Variants in SEC22C observed in about 807,000 individuals in gnomAD.
SEC22C encodes SEC22 homolog C, vesicle trafficking protein, also known as vesicle-trafficking protein SEC22c.
In SEC22C, 29 loss-of-function variants were observed where a neutral mutation model predicts 34.7. The ratio of observed to expected loss-of-function variants is 0.84; its 90% CI spans 0.62 to 1.14. The LOEUF is 1.14. Ranked by LOEUF, SEC22C falls within the 50% of genes most tolerant of loss-of-function variation. The pLI is 0.00. For missense variants in SEC22C, 337 were observed against 369.0 expected (o/e 0.91, Z 0.71); for synonymous variants, 117 against 132.8 (o/e 0.88, Z 0.82).
rs975318016 is a variant in SEC22C, at chr3:42,550,042, G to A, written c.*3206C>T. 1 of 985,336 alleles carries A rather than the reference G, an allele frequency of 1.0e-6. No individual in the cohort carries two copies. Among genetic ancestry groups the A allele is most frequent in the South Asian group, 4.7e-5 (1 of 21,290 alleles). 61.0% of individuals were successfully genotyped at this position (985,336 alleles called of 1,614,324 possible). A position where few individuals can be genotyped will look rare whatever the true frequency, so the allele number is the denominator to read the frequency against. On this transcript the variant is annotated 3_prime_UTR_variant, in exon 7 of 7. Transcript: ENST00000264454. The stretch of plus-strand genomic sequence containing the variant: ...TCACAGTAAGACTAGCCTAACAGGG[G>A]AAAACAGATTTACATGTTTCGTTCA...
At chr3:42,563,949 AT>A (rs1703084176) in intron 2 of SEC22C, 3 of 1,351,596 alleles carry the variant, frequency 2.2e-6, no homozygotes, top group Non-Finnish European at 2.9e-6. Flanking sequence ...TGCATATTCT[AT>A]TGGGGGAATT....
chr3:42,568,725 G>T, intron 2 of SEC22C, 140 bp downstream of exon 2: 5 of 621,950 alleles, frequency 8.0e-6, no homozygotes, highest in East Asian at 3.1e-5. Flanking sequence ...TGATTCTGTT[G>T]TAGACACACA....
At chr3:42,591,527 C>T (rs779851236) in intron 1 of SEC22C, 1 of 1,613,382 alleles carries the variant, frequency 6.2e-7, no homozygotes, top group Non-Finnish European at 8.5e-7. Flanking sequence ...TCTTTCAGCT[C>T]CTTGAGGAGA....
In SEC22C at chr3:42,548,683, A is replaced by G. The variant is rs1258258263; in HGVS notation, c.*4565T>C. 7 of 1,613,938 alleles carry G rather than the reference A, an allele frequency of 4.3e-6. No homozygotes were observed. Among genetic ancestry groups the G allele is most frequent in the Non-Finnish European group, 5.9e-6 (7 of 1,180,024 alleles). On this transcript the variant is annotated 3_prime_UTR_variant, in exon 7 of 7. Transcript: ENST00000264454. The stretch of plus-strand genomic sequence containing the variant: ...CTGGAATAAACCAAACATCAATGGT[A>G]CCATGCGCTCTGTGCCCAGGGAGTG...
At chr3:42,567,476 CTTAG>C (rs1284363776) in intron 2 of SEC22C, among the ~76,000 whole-genome samples, 14 of 152,188 alleles carry the variant, frequency 9.2e-5, no homozygotes, top group Non-Finnish European at 1.9e-4. Flanking sequence ...ACAGTGTAAA[CTTAG>C]TTAAGTTTTT....
At chr3:42,565,147 G>A (rs939742514) in intron 2 of SEC22C, among the ~76,000 whole-genome samples, 17 of 152,100 alleles carry the variant, frequency 1.1e-4, no homozygotes, top group African/African-American at 3.9e-4. Context: ...CTCACTGTCC[G>A]CTCACACACT....
chr3:42,578,285 G>A (rs1704094453), intron 1 of SEC22C, among the ~76,000 whole-genome samples: 1 of 152,160 alleles, frequency 6.6e-6, no homozygotes, highest in African/African-American at 2.4e-5. Flanking sequence ...GATCTCAAGT[G>A]CATTATGCTT....
Position 42,600,671 on chromosome 3 carries a change from C to T in SEC22C, c.-28+289G>A, listed in dbSNP as rs190057555. 831 of 200,036 alleles carry T rather than the reference C, an allele frequency of 4.2e-3. 7 individuals carry two copies. Among genetic ancestry groups the T allele is most frequent in the African/African-American group, 0.018 (787 of 43,072 alleles). The allele number at this position is 200,036 out of a possible 1,614,324, so 12.4% of individuals were successfully genotyped here. On this transcript the variant is annotated intron_variant, in intron 1 of 6. Transcript: ENST00000417572. ...GGGTTTAGCGTGGCATTGGGAGGCC[C>T]GGCCTGGGGGAGGAGACGGCGTTCC...
chr3:42,562,906 C>T (rs770082921), intron 3 of SEC22C, among the ~76,000 whole-genome samples: 6 of 152,146 alleles, frequency 3.9e-5, no homozygotes, highest in South Asian at 2.1e-4. Context: ...TCCAAACCAC[C>T]GCAGACTGAT....
rs961944618 is a variant in SEC22C, at chr3:42,566,540, G to A, written c.182+2325C>T. 3.3e-5 allele frequency among the ~76,000 whole-genome samples: 5 copies of A among 152,034 alleles called. No homozygotes were observed. The South Asian group carries it at 6.2e-4, about 19-fold the overall frequency. ...AAATACAAAAAAAAATTAGCCAGGC[G>A]TGGTGGTGGGCACCTGTAGTCCCAG... On this transcript the variant is annotated intron_variant, in intron 2 of 6. Transcript: ENST00000264454.
chr3:42,577,880 G>C (rs1225926361), intron 1 of SEC22C, among the ~76,000 whole-genome samples: 1 of 151,946 alleles, frequency 6.6e-6, no homozygotes, highest in Non-Finnish European at 1.5e-5. Flanking sequence ...TGAGGCAGGA[G>C]AATCACTTGA....
At chr3:42,558,413 G>A (rs909806962) in intron 4 of SEC22C, among the ~76,000 whole-genome samples, 2 of 151,296 alleles carry the variant, frequency 1.3e-5, no homozygotes, top group Non-Finnish European at 2.9e-5. Context: ...ACCTGAGCCT[G>A]GGAGGTTGAG....
intron 4 of SEC22C, among the ~76,000 whole-genome samples, chr3:42,559,026 TG>T (rs1702718416): frequency 6.6e-6 from 1 of 152,212 alleles, no homozygotes; most frequent in Non-Finnish European, 1.5e-5. Context: ...AGGGAAACAT[TG>T]ATTATTCAGG....
At chr3:42,578,119 T>C (rs1704081338) in intron 1 of SEC22C, among the ~76,000 whole-genome samples, 1 of 152,236 alleles carries the variant, frequency 6.6e-6, no homozygotes, top group African/African-American at 2.4e-5. Context: ...CAATTGCTCA[T>C]TGCAGCTTTA....
intron 2 of SEC22C, chr3:42,565,640 C>T: frequency 3.8e-6 from 1 of 260,152 alleles, no homozygotes; most frequent in South Asian, 3.8e-5. Flanking sequence ...GACCATGCAA[C>T]CATGGAGACA....
intron 1 of SEC22C, among the ~76,000 whole-genome samples, chr3:42,596,887 T>C (rs1173707980): frequency 6.6e-6 from 1 of 152,224 alleles, no homozygotes; most frequent in African/African-American, 2.4e-5. Context: ...AGGTTTAAAG[T>C]TGTTTAAGTA....
intron 2 of SEC22C, among the ~76,000 whole-genome samples, chr3:42,566,416 C>G (rs1232072538): frequency 6.6e-6 from 1 of 152,198 alleles, no homozygotes; most frequent in African/African-American, 2.4e-5. Context: ...GTGGCTCACG[C>G]CTGTAATCCC....
chr3:42,588,343 T>C (rs1704692834), intron 1 of SEC22C, among the ~76,000 whole-genome samples: 1 of 151,972 alleles, frequency 6.6e-6, no homozygotes, highest in African/African-American at 2.4e-5. Flanking sequence ...AGGTGGAGGT[T>C]ACAGTGAGCT....
chr3:42,579,039 A>G (rs1328416888), intron 1 of SEC22C, among the ~76,000 whole-genome samples: 1 of 152,186 alleles, frequency 6.6e-6, no homozygotes, highest in East Asian at 1.9e-4. Context: ...GCACTTTGGG[A>G]GGCAGAGGCA....
Sources: allele counts gnomAD v4.1 joint callset (sites outside exome capture counted in the v4.1 genomes callset), GRCh38; gene constraint gnomAD v4.1.1; transcripts MANE v1.5; gene names NCBI Gene and HGNC (gene_info 2026-07-23, HGNC 2026-07-21).